The following MRTFA variants were observed in gnomAD, a reference collection of about 807,000 sequenced individuals.
MRTFA encodes myocardin-related transcription factor A.
MRTFA carries 20 observed loss-of-function variants against 83.5 expected under a neutral mutation model. The ratio of observed to expected loss-of-function variants is 0.24; its 90% CI spans 0.17 to 0.35. The LOEUF is 0.35. Among genes scored for constraint, MRTFA ranks in the 10% least tolerant of loss-of-function variants. The pLI, the probability that MRTFA is intolerant of heterozygous loss-of-function variation, is 1.00. For synonymous variants in MRTFA, 659 were observed against 541.2 expected, an observed-to-expected ratio of 1.22 and a Z score of -3.02; for missense variants, 1,200 against 1,224.7, an observed-to-expected ratio of 0.98 and a Z score of 0.30.
intron 3 of MRTFA, among the ~76,000 whole-genome samples, chr22:40,499,638 T>A (rs1234013165): frequency 6.6e-6 from 1 of 152,188 alleles, no homozygotes; most frequent in Non-Finnish European, 1.5e-5. Context: ...TTCCTCCCTA[T>A]AATTACATCC....
Position 40,411,387 on chromosome 22 carries a change from G to A in MRTFA, c.*3C>T, listed in dbSNP as rs200903570. 3 of 1,548,172 alleles carry A rather than the reference G, an allele frequency of 1.9e-6. No homozygotes were observed. The highest frequency in any genetic ancestry group is 1.2e-5 in the South Asian group (1 of 82,048). ...CTTCCCCACCCCGTCTTGAGCCAGA[G>A]AGCTACAAGCAGGAATCCCAGTGCA... is the stretch of plus-strand genomic sequence containing the variant. On this transcript the variant is annotated 3_prime_UTR_variant, in exon 15 of 15. Transcript: ENST00000355630.
intron 2 of MRTFA, among the ~76,000 whole-genome samples, chr22:40,553,504 T>G (rs1262697803): frequency 6.6e-6 from 1 of 152,158 alleles, no homozygotes; most frequent in African/African-American, 2.4e-5. Flanking sequence ...GGCTGAGGCT[T>G]CGAAGCGTGC....
intron 1 of MRTFA, among the ~76,000 whole-genome samples, chr22:40,618,677 T>C (rs945934806): frequency 6.6e-6 from 1 of 152,068 alleles, no homozygotes; most frequent in African/African-American, 2.4e-5. Context: ...AAAGAAGATA[T>C]TGCAGGCCGG....
intron 14 of MRTFA, among the ~76,000 whole-genome samples, chr22:40,413,127 C>A (rs2052595955): frequency 8.7e-6 from 1 of 114,294 alleles, no homozygotes. Flanking sequence ...AACAGAGTGA[C>A]ACCCTGTCTC....
rs920679999 is a variant in MRTFA at position 40,416,130 on chromosome 22, C to T, written c.2578+856G>A. ...CGCAATGTGGTCCCACACGTGCCCC[C>T]TCCCCAGCTCACCCCATCAATGGCC... On this transcript the variant is annotated intron_variant, in intron 14 of 14. Transcript: ENST00000355630. The surrounding 1 kb of genome is among the most constrained non-coding windows in gnomAD (Gnocchi z 4.2). Among the ~76,000 whole-genome samples, 3 of 152,226 alleles carry T rather than the reference C, an allele frequency of 2.0e-5. No individual in the cohort carries two copies. Among genetic ancestry groups the T allele is most frequent in the African/African-American group, 7.2e-5 (3 of 41,468 alleles).
At chr22:40,503,139 C>T (rs941070350) in intron 3 of MRTFA, among the ~76,000 whole-genome samples, 1 of 152,186 alleles carries the variant, frequency 6.6e-6, no homozygotes. Flanking sequence ...CTAAAGAAAC[C>T]ACAAAGGCAG....
At chr22:40,604,878 G>T (rs2056300805) in intron 1 of MRTFA, among the ~76,000 whole-genome samples, 1 of 152,178 alleles carries the variant, frequency 6.6e-6, no homozygotes, top group Admixed American at 6.5e-5. Context: ...ACAGATAAAT[G>T]CAATCTGTCT....
intron 5 of MRTFA, among the ~76,000 whole-genome samples, chr22:40,432,824 C>T (rs1403815829): frequency 6.6e-6 from 1 of 152,158 alleles, no homozygotes; most frequent in African/African-American, 2.4e-5. Flanking sequence ...GCTCTATCAC[C>T]CCACGTGCAG....
At chr22:40,580,917 T>C (rs2055937991) in intron 2 of MRTFA, among the ~76,000 whole-genome samples, 1 of 152,192 alleles carries the variant, frequency 6.6e-6, no homozygotes, top group Admixed American at 6.5e-5. Context: ...TGTTTTTATT[T>C]TGTCTTAACT....
intron 1 of MRTFA, among the ~76,000 whole-genome samples, chr22:40,624,876 T>C (rs1006257998): frequency 3.3e-5 from 5 of 152,280 alleles, no homozygotes; most frequent in African/African-American, 9.6e-5. Context: ...GAATCAGCTT[T>C]CAGGTAAAGG....
intron 2 of MRTFA, among the ~76,000 whole-genome samples, chr22:40,554,233 G>T (rs1031582311): frequency 6.6e-6 from 1 of 152,170 alleles, no homozygotes; most frequent in African/African-American, 2.4e-5. Context: ...AAGACTTTGG[G>T]GGACTATTGG....
intron 7 of MRTFA, among the ~76,000 whole-genome samples, chr22:40,427,312 C>T (rs1049013969): frequency 2.0e-5 from 3 of 152,160 alleles, no homozygotes; most frequent in African/African-American, 7.2e-5. Context: ...GGGGAAAGGG[C>T]TCCTCCGGGC....
intron 2 of MRTFA, chr22:40,587,094 T>C (rs2056042324): frequency 2.2e-6 from 1 of 452,228 alleles, no homozygotes; most frequent in Non-Finnish European, 4.5e-6. Flanking sequence ...ACGATGAATC[T>C]TCCTGCAACG....
Position 40,411,680 on chromosome 22 carries a change from G to A in MRTFA, c.2806C>T (p.Pro936Ser), listed in dbSNP as rs1202174458. ...TGGAGGTCGTCAATGAGGGAAAGGG[G>A]CTCTGGCCCGTCATGCCCACTGGTC... is the stretch of plus-strand genomic sequence containing the variant. Residue 936 changes from proline (P) to serine (S), a missense_variant, in exon 15 of 15, where the codon CCC (proline) becomes TCC (serine). Around this residue, in one of 2 missense-constraint regions of MRTFA, gnomAD observed 1,107 missense variants for 1,041.8 expected, o/e 1.06. Transcript: ENST00000355630. 2 of 1,604,778 alleles carry A rather than the reference G, an allele frequency of 1.2e-6. No individual in the cohort carries two copies. The highest frequency in any genetic ancestry group is 1.7e-6 in the Non-Finnish European group (2 of 1,174,664).
rs376161982 is a variant in MRTFA at position 40,440,151 on chromosome 22, C to CAAA, written c.308-4600_308-4598dup. Among the ~76,000 whole-genome samples, 245 of 70,704 alleles carry CAAA rather than the reference C, an allele frequency of 3.5e-3. No individual in the cohort carries two copies. In the Middle Eastern group the frequency reaches 0.049, roughly 14 times the overall value. 46.4% of individuals were successfully genotyped at this position (70,704 alleles called of 152,430 possible). A position where few individuals can be genotyped will look rare whatever the true frequency, so the allele number is the denominator to read the frequency against. ...TGGGTGACAGAGTGAGACTCCGTCTCAAAAAAAAAAAAAAAAAAAAGAATT... is the reference window on the plus strand; with the variant it reads ...TGGGTGACAGAGTGAGACTCCGTCTCAAAAAAAAAAAAAAAAAAAAAAAGAATT... On this transcript the variant is annotated intron_variant, in intron 4 of 14. Coordinates refer to ENST00000355630, the MANE Select transcript of MRTFA (RefSeq NM_020831.6).
At chr22:40,603,209 A>C (rs2056280119) in intron 1 of MRTFA, among the ~76,000 whole-genome samples, 1 of 152,168 alleles carries the variant, frequency 6.6e-6, no homozygotes, top group Admixed American at 6.5e-5. Context: ...GAGGCTTCTG[A>C]CACTTCAGCT....
At chr22:40,616,680 T>C (rs747643351) in intron 1 of MRTFA, among the ~76,000 whole-genome samples, 1 of 152,072 alleles carries the variant, frequency 6.6e-6, no homozygotes, top group Non-Finnish European at 1.5e-5. Flanking sequence ...TTTACAGAAA[T>C]GGGGAACGTT....
chr22:40,467,999 GTGAAA>G (rs1338063059), intron 3 of MRTFA, among the ~76,000 whole-genome samples: 1 of 152,062 alleles, frequency 6.6e-6, no homozygotes, highest in Non-Finnish European at 1.5e-5. Context: ...CAACCATAAA[GTGAAA>G]AACCCTAGGT....
intron 3 of MRTFA, among the ~76,000 whole-genome samples, chr22:40,516,910 A>T (rs1034686636): frequency 1.3e-5 from 2 of 152,000 alleles, no homozygotes; most frequent in Non-Finnish European, 2.9e-5. Context: ...CTAGGACAAC[A>T]TAATTTTTTT....
Sources: allele counts gnomAD v4.1 joint callset (sites outside exome capture counted in the v4.1 genomes callset), GRCh38; gene constraint gnomAD v4.1.1; regional missense constraint gnomAD v4.1.1; non-coding constraint Gnocchi (gnomAD v3.1); transcripts MANE v1.5; gene names NCBI Gene and HGNC (gene_info 2026-07-23, HGNC 2026-07-21).